The following TCF4 variants were observed in gnomAD, a reference collection of about 807,000 sequenced individuals.
TCF4 encodes the protein SL3-3 enhancer factor 2.
A neutral mutation model predicts 82.1 loss-of-function variants in TCF4; 3 were observed. The observed-to-expected ratio is 0.04, with a 90% confidence interval of 0.02 to 0.09. The LOEUF is 0.09. TCF4 is among the 10% of genes least tolerant of loss of function. TCF4 has a pLI of 1.00. For synonymous variants in TCF4, 276 were observed against 309.6 expected, an observed-to-expected ratio of 0.89 and a Z score of 1.14; for missense variants, 518 against 852.7, an observed-to-expected ratio of 0.61 and a Z score of 4.89.
intron 5 of TCF4, among the ~76,000 whole-genome samples, chr18:55,421,168 C>A (rs971258579): frequency 6.6e-6 from 1 of 152,068 alleles, no homozygotes; most frequent in African/African-American, 2.4e-5. Context: ...CCACCATAAT[C>A]TTTAGACATG....
In TCF4 at chr18:55,541,473, T is replaced by TA. The variant is rs1183316163; in HGVS notation, c.145+43806dup. Among the ~76,000 whole-genome samples the TA allele has an allele frequency of 2.6e-5, 4 of 152,126 alleles. No homozygotes were observed. In the East Asian group the frequency reaches 7.7e-4, roughly 29 times the overall value. ...TCAACATCAAATTCTCTTTTCTTAATAAAAATCATGTTGATGCTACAACAT... is the reference window on the plus strand; with the variant it reads ...TCAACATCAAATTCTCTTTTCTTAATAAAAAATCATGTTGATGCTACAACAT... On this transcript the variant is annotated intron_variant, in intron 3 of 19. Coordinates refer to ENST00000354452, the MANE Select transcript of TCF4 (RefSeq NM_001083962.2).
In TCF4 at chr18:55,225,039, A is replaced by G. The variant is rs2046412959; in HGVS notation, c.*2996T>C. The stretch of plus-strand genomic sequence containing the variant: ...CTTACCTGGGTTTGATAATTACAAA[A>G]CAACAACAATAAAAAACACACTAAA... On this transcript the variant is annotated 3_prime_UTR_variant, in exon 20 of 20. Coordinates refer to ENST00000354452, the MANE Select transcript of TCF4 (RefSeq NM_001083962.2). The G allele has an allele frequency of 6.6e-6, 1 of 152,128 alleles. No homozygotes were observed. Among genetic ancestry groups the G allele is most frequent in the African/African-American group, 2.4e-5 (1 of 41,430 alleles). The allele number at this position is 152,128 out of a possible 1,614,324, so 9.4% of individuals were successfully genotyped here.
In TCF4 at chr18:55,358,997, C is replaced by T. The variant is rs540200557; in HGVS notation, c.370-7994G>A. Among the ~76,000 whole-genome samples the T allele has an allele frequency of 2.9e-3, 449 of 152,296 alleles. 1 individual carries two copies. Among genetic ancestry groups the T allele is most frequent in the African/African-American group, 9.9e-3 (412 of 41,560 alleles). On this transcript the variant is annotated intron_variant, in intron 6 of 19. Coordinates refer to ENST00000354452, the MANE Select transcript of TCF4 (RefSeq NM_001083962.2). ...ATATGTTGTACATTTTAAAATCTTA[C>T]TATATACTAATACAGAATGTGTTAT...
At chr18:55,301,563 G>T (rs754665245) in intron 8 of TCF4, among the ~76,000 whole-genome samples, 2 of 151,952 alleles carry the variant, frequency 1.3e-5, no homozygotes, top group East Asian at 3.9e-4. Context: ...CTAAACACAC[G>T]CAACGGCTCT....
At chr18:55,259,763 G>T (rs1329274842) in intron 13 of TCF4, 186 bp downstream of exon 13, 1 of 590,402 alleles carries the variant, frequency 1.7e-6, no homozygotes, top group East Asian at 2.8e-5. Flanking sequence ...AAAAGGTTTG[G>T]ATGTAAACGA....
chr18:55,627,494 T>TG (rs1172051899), intron 2 of TCF4, among the ~76,000 whole-genome samples: 2 of 152,204 alleles, frequency 1.3e-5, no homozygotes, highest in Non-Finnish European at 1.5e-5. Context: ...CTGGGCGCAG[T>TG]GGCTCACACC....
chr18:55,547,886 A>G (rs2097220240), intron 3 of TCF4, among the ~76,000 whole-genome samples: 1 of 151,918 alleles, frequency 6.6e-6, no homozygotes, highest in South Asian at 2.1e-4. Flanking sequence ...TATTTTATCA[A>G]TTTAGACCAG....
intron 3 of TCF4, among the ~76,000 whole-genome samples, chr18:55,527,407 T>C (rs1281176626): frequency 6.6e-6 from 1 of 152,178 alleles, no homozygotes; most frequent in Admixed American, 6.5e-5. Context: ...AGTAAGGAAT[T>C]GTTTATATGC....
intron 3 of TCF4, among the ~76,000 whole-genome samples, chr18:55,497,369 A>G (rs1194491571): frequency 4.6e-5 from 7 of 152,224 alleles, no homozygotes; most frequent in African/African-American, 1.4e-4. Flanking sequence ...ATGTCCTTAT[A>G]TGAACAGATA....
rs559986827 is a variant in TCF4, at chr18:55,400,880, T to A, written c.369+2574A>T. On this transcript the variant is annotated intron_variant, in intron 6 of 19. Transcript: ENST00000354452. ...TTTAAGTCCATAGGATACACTGTTA[T>A]AATACGATAAAGCAGCTTTTGGAGC... The A allele has an allele frequency of 2.5e-5, 26 of 1,028,848 alleles. No individual in the cohort carries two copies. In the East Asian group the frequency reaches 1.5e-3, roughly 61 times the overall value. 63.7% of individuals were successfully genotyped at this position (1,028,848 alleles called of 1,614,324 possible).
intron 6 of TCF4, among the ~76,000 whole-genome samples, chr18:55,372,408 G>T (rs569047535): frequency 1.2e-3 from 183 of 152,074 alleles, no homozygotes; most frequent in African/African-American, 4.2e-3. Context: ...AGTGGAGTGT[G>T]ATGCAATAAT....
chr18:55,304,410 T>C (rs961931631), intron 8 of TCF4, among the ~76,000 whole-genome samples: 2 of 152,162 alleles, frequency 1.3e-5, no homozygotes, highest in Non-Finnish European at 2.9e-5. Context: ...AAAAGTGCCT[T>C]AAGATACATA....
chr18:55,363,235 A>C (rs1401652118), intron 6 of TCF4, among the ~76,000 whole-genome samples: 1 of 152,190 alleles, frequency 6.6e-6, no homozygotes, highest in African/African-American at 2.4e-5. Flanking sequence ...AATATTACAG[A>C]AAGATTTATG....
intron 8 of TCF4, chr18:55,321,708 C>T (rs2075536300): frequency 6.5e-7 from 1 of 1,536,136 alleles, no homozygotes; most frequent in Non-Finnish European, 8.7e-7. Flanking sequence ...GAGTTGCCGC[C>T]CATGCCCGGG....
chr18:55,284,126 A>G (rs2063180622), intron 8 of TCF4, among the ~76,000 whole-genome samples: 1 of 152,148 alleles, frequency 6.6e-6, no homozygotes, highest in Non-Finnish European at 1.5e-5. Context: ...AGAAAATAAA[A>G]TATCGGCCAG....
chr18:55,397,124 C>T (rs1417024395), intron 6 of TCF4, among the ~76,000 whole-genome samples: 2 of 152,086 alleles, frequency 1.3e-5, no homozygotes, highest in African/African-American at 4.8e-5. Flanking sequence ...GGGAAAGATT[C>T]CTTTACAATG....
chr18:55,229,894 G>C (rs1025137114), intron 17 of TCF4: 7 of 152,246 alleles, frequency 4.6e-5, no homozygotes, highest in African/African-American at 9.7e-5. Context: ...ACCTCATTGT[G>C]AGTCAAAAAT....
chr18:55,606,390 T>TTTCTCTTC (rs2097702260), intron 2 of TCF4, among the ~76,000 whole-genome samples: 2 of 152,110 alleles, frequency 1.3e-5, no homozygotes, highest in Admixed American at 1.3e-4. Context: ...AACGGAAATG[T>TTTCTCTTC]TTCTCTTCTT....
intron 8 of TCF4, among the ~76,000 whole-genome samples, chr18:55,318,818 A>C (rs2074789315): frequency 6.6e-6 from 1 of 152,154 alleles, no homozygotes; most frequent in Non-Finnish European, 1.5e-5. Context: ...TTAGAGGACA[A>C]CTGATTTTAC....
Sources: gnomAD v4.1 joint callset for allele counts (sites outside exome capture counted in the v4.1 genomes callset) on GRCh38, gnomAD v4.1.1 for gene constraint, MANE v1.5 for transcripts, NCBI Gene and HGNC (gene_info 2026-07-23, HGNC 2026-07-21) for gene names.